Variants in STYK1 observed in about 807,000 individuals in gnomAD.
STYK1 encodes STY kinase 1.
STYK1 carries 46 observed loss-of-function variants against 48.1 expected under a neutral mutation model. The observed-to-expected ratio is 0.96, with a 90% CI of 0.75 to 1.22. STYK1 has a LOEUF of 1.22. Ranked by LOEUF, STYK1 falls within the 50% of genes most tolerant of loss-of-function variation. The pLI is 0.00. For synonymous variants in STYK1, 188 were observed against 189.0 expected, an observed-to-expected ratio of 0.99 and a Z score of 0.04; for missense variants, 527 against 521.1, an observed-to-expected ratio of 1.01 and a Z score of -0.11.
At chr12:10,633,441 G>A (rs951010094) in intron 4 of STYK1, among the ~76,000 whole-genome samples, 3 of 152,098 alleles carry the variant, frequency 2.0e-5, no homozygotes, top group Non-Finnish European at 4.4e-5. Flanking sequence ...CATTATGAGA[G>A]TTTTCTTTTT....
intron 10 of STYK1, among the ~76,000 whole-genome samples, chr12:10,621,242 T>C (rs1865901713): frequency 6.6e-6 from 1 of 152,316 alleles, no homozygotes; most frequent in African/African-American, 2.4e-5. Context: ...TAACAGTCTA[T>C]GTAATTTTTT....
intron 1 of STYK1, among the ~76,000 whole-genome samples, chr12:10,642,994 C>G (rs1947561575): frequency 6.6e-6 from 1 of 152,130 alleles, no homozygotes; most frequent in Non-Finnish European, 1.5e-5. Context: ...GATCCTGAAC[C>G]AATTCTGACG....
chr12:10,641,847 A>G (rs1294579690), intron 1 of STYK1, among the ~76,000 whole-genome samples: 4 of 152,300 alleles, frequency 2.6e-5, no homozygotes, highest in African/African-American at 7.2e-5. Context: ...GTGGGTCAGC[A>G]TGGTTCAGAG....
rs945102783 is a variant in STYK1 at position 10,627,629 on chromosome 12, G to A, written c.717+12C>T. On this transcript the variant is annotated intron_variant, in intron 7 of 10. Transcript: ENST00000075503. ...ACGTCACACCATCAGTTGTCATGTTGCCTCATCTTACCAGCGCCAAAAGGA... is the reference window on the plus strand; with the variant it reads ...ACGTCACACCATCAGTTGTCATGTTACCTCATCTTACCAGCGCCAAAAGGA... 6.2e-7 allele frequency: 1 copy of A among 1,608,478 alleles called. No individual in the cohort carries two copies. Among genetic ancestry groups the A allele is most frequent in the Non-Finnish European group, 8.5e-7 (1 of 1,177,662 alleles).
chr12:10,630,929 C>T (rs1947419645), intron 5 of STYK1, 116 bp downstream of exon 5: 1 of 1,365,154 alleles, frequency 7.3e-7, no homozygotes, highest in African/African-American at 1.5e-5. Context: ...CACTCTATTA[C>T]CTTCTTCTGT....
At chr12:10,628,749 A>G (rs890562347) in intron 6 of STYK1, among the ~76,000 whole-genome samples, 1 of 152,240 alleles carries the variant, frequency 6.6e-6, no homozygotes, top group Non-Finnish European at 1.5e-5. Context: ...GAGGCTAAAA[A>G]TTTCTGAATG....
chr12:10,621,800 T>C, intron 10 of STYK1, 76 bp downstream of exon 10: 1 of 1,410,700 alleles, frequency 7.1e-7, no homozygotes, highest in Non-Finnish European at 1.0e-6. Context: ...TCTGAGCCCT[T>C]TGAAAAGGGC....
At chr12:10,627,013 T>A (rs997922999) in intron 7 of STYK1, among the ~76,000 whole-genome samples, 1 of 152,064 alleles carries the variant, frequency 6.6e-6, no homozygotes, top group Non-Finnish European at 1.5e-5. Flanking sequence ...TCTCAAAAAA[T>A]AAATAAATAA....
intron 1 of STYK1, among the ~76,000 whole-genome samples, chr12:10,671,448 G>C (rs1284022165): frequency 2.5e-5 from 3 of 118,852 alleles, no homozygotes; most frequent in Non-Finnish European, 5.2e-5. Flanking sequence ...GCAAAAGTGA[G>C]CGTCAGCATA....
chr12:10,634,963 T>G (rs1947470111), intron 2 of STYK1, among the ~76,000 whole-genome samples: 1 of 152,066 alleles, frequency 6.6e-6, no homozygotes, highest in Admixed American at 6.5e-5. Context: ...TATTTTAAAG[T>G]CTCCCCTCCC....
Position 10,624,519 on chromosome 12 carries a change from T to C in STYK1, c.926+132A>G, listed in dbSNP as rs1045599889. On this transcript the variant is annotated intron_variant, in intron 8 of 10. Coordinates refer to ENST00000075503, the MANE Select transcript of STYK1 (RefSeq NM_018423.3). ...CATGAACTCTGTCACATAACATTTC[T>C]GCTTGAGAGTATGTCTGATTTCTAA... 6 of 791,816 alleles carry C rather than the reference T, an allele frequency of 7.6e-6. No individual in the cohort carries two copies. In the Admixed American group the frequency reaches 1.2e-4, roughly 15 times the overall value. 49.0% of individuals were successfully genotyped at this position (791,816 alleles called of 1,614,324 possible). A position where few individuals can be genotyped will look rare whatever the true frequency, so the allele number is the denominator to read the frequency against.
intron 1 of STYK1, among the ~76,000 whole-genome samples, chr12:10,649,909 G>A (rs904925654): frequency 1.8e-4 from 28 of 151,882 alleles, no homozygotes; most frequent in African/African-American, 6.8e-4. Flanking sequence ...TCAGGAGATC[G>A]AGACCATCCT....
Position 10,620,961 on chromosome 12 carries a change from A to G in STYK1, c.1065-613T>C, listed in dbSNP as rs1466494869. 5.9e-5 allele frequency among the ~76,000 whole-genome samples: 9 copies of G among 152,140 alleles called. No individual in the cohort carries two copies. In the South Asian group the frequency reaches 1.0e-3, roughly 18 times the overall value. On this transcript the variant is annotated intron_variant, in intron 10 of 10. Transcript: ENST00000075503. ...AAATGTTTGTCATCAATTTTTTTCT[A>G]TTGTACCTAGCTCCATCACTATATT...
At chr12:10,658,350 G>A (rs956751276) in intron 1 of STYK1, among the ~76,000 whole-genome samples, 1 of 152,092 alleles carries the variant, frequency 6.6e-6, no homozygotes, top group African/African-American at 2.4e-5. Context: ...AGATTTTTGT[G>A]TAATATTTTT....
chr12:10,650,332 C>T (rs144422579), intron 1 of STYK1, among the ~76,000 whole-genome samples: 1 of 152,118 alleles, frequency 6.6e-6, no homozygotes, highest in East Asian at 1.9e-4. Context: ...TCTATTGAAG[C>T]CTTGGTTTAC....
chr12:10,653,159 G>A (rs1256118699), intron 1 of STYK1, among the ~76,000 whole-genome samples: 1 of 151,712 alleles, frequency 6.6e-6, no homozygotes, highest in Non-Finnish European at 1.5e-5. Flanking sequence ...TGCAAGCTCC[G>A]CCTCCTGGGT....
At chr12:10,628,175 T>C (rs1272024378) in intron 6 of STYK1, among the ~76,000 whole-genome samples, 1 of 152,212 alleles carries the variant, frequency 6.6e-6, no homozygotes, top group Non-Finnish European at 1.5e-5. Context: ...CTGGAGCTTA[T>C]TGGGTGACAG....
chr12:10,641,838 T>G (rs1229345240), intron 1 of STYK1, among the ~76,000 whole-genome samples: 1 of 151,824 alleles, frequency 6.6e-6, no homozygotes, highest in African/African-American at 2.4e-5. Context: ...CCCTAGGGAG[T>G]GGGTCAGCAT....
At chr12:10,652,844 G>A (rs968133823) in intron 1 of STYK1, among the ~76,000 whole-genome samples, 9 of 152,106 alleles carry the variant, frequency 5.9e-5, no homozygotes, top group Admixed American at 3.9e-4. Flanking sequence ...TCTCCAGTAC[G>A]ATGAGGTCCT....
Sources: allele counts gnomAD v4.1 joint callset (sites outside exome capture counted in the v4.1 genomes callset), GRCh38; gene constraint gnomAD v4.1.1; transcripts MANE v1.5; gene names NCBI Gene and HGNC (gene_info 2026-07-23, HGNC 2026-07-21).